ABCB11: variants seen among roughly 807,000 people sequenced by gnomAD.
ABCB11 encodes ATP binding cassette subfamily B member 11.
Under a neutral mutation model 148.0 loss-of-function variants are expected in ABCB11, and 95 were observed. That is an observed-to-expected ratio of 0.64 (90% CI 0.54 to 0.76). The LOEUF (loss-of-function observed/expected upper bound fraction) is 0.76. Ranked by LOEUF, ABCB11 falls within the 30% of genes least tolerant of loss-of-function variation. The pLI, the probability that ABCB11 is intolerant of heterozygous loss-of-function variation, is 0.00. For synonymous variants in ABCB11, 591 were observed against 555.4 expected (o/e 1.06, Z -0.90); for missense variants, 1,523 against 1,617.8 (o/e 0.94, Z 1.01).
intron 21 of ABCB11, among the ~76,000 whole-genome samples, chr2:168,939,259 G>T (rs1691962581): frequency 6.6e-6 from 1 of 152,028 alleles, no homozygotes; most frequent in Admixed American, 6.6e-5. Flanking sequence ...GGTTGGCAAG[G>T]ACTGTCAGGC....
chr2:168,923,219 A>C lies in ABCB11; in HGVS notation c.*403T>G. ...GCCTGTTATAGACCCGCCTCTGTGT[A>C]CACCGAGGGTTCAAAAATGAAAGAC... On this transcript the variant is annotated 3_prime_UTR_variant, in exon 28 of 28. Transcript: ENST00000650372. 4.9e-6 allele frequency: 1 copy of C among 204,546 alleles called. No homozygotes were observed. The highest frequency in any genetic ancestry group is 1.0e-5 in the Non-Finnish European group (1 of 100,368). 12.7% of individuals were successfully genotyped at this position (204,546 alleles called of 1,614,324 possible). A position where few individuals can be genotyped will look rare whatever the true frequency, so the allele number is the denominator to read the frequency against.
intron 3 of ABCB11, among the ~76,000 whole-genome samples, chr2:169,014,692 A>T (rs1170105135): frequency 6.6e-6 from 1 of 152,138 alleles, no homozygotes; most frequent in East Asian, 1.9e-4. Context: ...TTGTGACTGC[A>T]TTTCCTCATG....
chr2:168,983,639 G>A (rs185014605), intron 10 of ABCB11, among the ~76,000 whole-genome samples: 289 of 152,178 alleles, frequency 1.9e-3, no homozygotes, highest in African/African-American at 6.5e-3. Context: ...AATAAAGTCC[G>A]TGGTTTGGAA....
chr2:168,940,029 C>T (rs1256261887), intron 21 of ABCB11, among the ~76,000 whole-genome samples: 1 of 152,014 alleles, frequency 6.6e-6, no homozygotes, highest in East Asian at 1.9e-4. Context: ...GTCATTCTGT[C>T]TCTCTCTCTT....
chr2:169,017,827 C>A, intron 2 of ABCB11: 2 of 697,266 alleles, frequency 2.9e-6, no homozygotes, highest in South Asian at 1.5e-5. Context: ...GTGAGAGATG[C>A]TTTCATTTAC....
intron 14 of ABCB11, 128 bp downstream of exon 14, chr2:168,971,719 T>C (rs1693583670): frequency 2.4e-6 from 2 of 817,504 alleles, no homozygotes; most frequent in Admixed American, 4.9e-5. Context: ...TTTTCAGGCA[T>C]GAAACTAAAA....
In ABCB11 at chr2:168,924,309, T is replaced by C. The variant is rs577763542; in HGVS notation, c.3765+348A>G. On this transcript the variant is annotated intron_variant, in intron 27 of 27. Coordinates refer to ENST00000650372, the MANE Select transcript of ABCB11 (RefSeq NM_003742.4). ...ATATCACCTCTTTCTTTGTGTTGCA[T>C]GTGGCCTACCTTCTCTGTCACATAA... Among the ~76,000 whole-genome samples the C allele has an allele frequency of 3.9e-5, 6 of 152,362 alleles. 1 individual carries two copies. In the East Asian group the frequency reaches 1.2e-3, roughly 29 times the overall value.
At chr2:168,939,775 A>G (rs2685803) in intron 21 of ABCB11, among the ~76,000 whole-genome samples, 74,102 of 151,436 alleles carry the variant, frequency 0.49, 19,112 homozygotes, top group South Asian at 0.66. Context: ...GCAACCCTGT[A>G]TATGCAGAGC....
chr2:168,927,272 A>G lies in ABCB11; in HGVS notation c.3502T>C (p.Cys1168Arg), dbSNP rs1355450416. 6.2e-7 allele frequency: 1 copy of G among 1,613,880 alleles called. No individual in the cohort carries two copies. Among genetic ancestry groups the G allele is most frequent in the Non-Finnish European group, 8.5e-7 (1 of 1,179,794 alleles). Residue 1168 changes from cysteine (C) to arginine (R), a missense_variant, in exon 26 of 28, where the codon TGT (cysteine) becomes CGT (arginine). Cys to Arg is a radical substitution (Grantham distance 180). Transcript: ENST00000650372. The part of the protein sequence containing the change: ...IVSQEPVLFA[C>R]SIMDNIKYGD... Reference sequence around the variant, plus strand: ...TACTTGATATTGTCCATTATGCTACAGGCAAACAACACTGGTTCCTGGGAA... The same window carrying G: ...TACTTGATATTGTCCATTATGCTACGGGCAAACAACACTGGTTCCTGGGAA...
chr2:168,970,508 C>T lies in ABCB11; in HGVS notation c.1639-293G>A, dbSNP rs4140386. 355,167 of 623,142 alleles carry T rather than the reference C, an allele frequency of 0.57. 101,747 individuals are homozygous for T. The highest frequency in any genetic ancestry group is 0.75 in the East Asian group (15,818 of 21,064). The allele number at this position is 623,142 out of a possible 1,614,324, so 38.6% of individuals were successfully genotyped here. A position where few individuals can be genotyped will look rare whatever the true frequency, so the allele number is the denominator to read the frequency against. ...TTTCAACCAAAATAAAAATTGGTCACGGTCCTAAATATCTATCTCAGAGGA... is the reference window on the plus strand; with the variant it reads ...TTTCAACCAAAATAAAAATTGGTCATGGTCCTAAATATCTATCTCAGAGGA... On this transcript the variant is annotated intron_variant, in intron 14 of 27. Coordinates refer to ENST00000650372, the MANE Select transcript of ABCB11 (RefSeq NM_003742.4).
chr2:168,958,381 A>G (rs1559202570), intron 18 of ABCB11, among the ~76,000 whole-genome samples: 1 of 151,778 alleles, frequency 6.6e-6, no homozygotes, highest in East Asian at 2.0e-4. Flanking sequence ...TCATGATTAC[A>G]TGTGTATTAA....
intron 19 of ABCB11, among the ~76,000 whole-genome samples, chr2:168,952,276 C>T (rs1692600516): frequency 6.6e-6 from 1 of 151,440 alleles, no homozygotes. Flanking sequence ...CCTCTGATTT[C>T]TAAAATAGTT....
chr2:168,951,924 A>G (rs1047831882), intron 19 of ABCB11, among the ~76,000 whole-genome samples: 1 of 151,622 alleles, frequency 6.6e-6, no homozygotes, highest in Non-Finnish European at 1.5e-5. Flanking sequence ...TTCTATGCCT[A>G]GTTTATTGAG....
Position 168,973,746 on chromosome 2 carries a change from A to G in ABCB11, c.1403T>C (p.Ile468Thr). The G allele has an allele frequency of 6.2e-7, 1 of 1,612,214 alleles. No homozygotes were observed. ...GAGKSTALQL[I>T]QRFYDPCEGM... ...TTCACAGGGGTCATAGAATCGCTGA[A>G]TGAGTTGCAGTGCTGTACTTTTTCC... is the stretch of plus-strand genomic sequence containing the variant. The change falls in exon 13 of 28, where the codon ATT (isoleucine) becomes ACT (threonine). Residue 468 changes from isoleucine (I) to threonine (T), a missense_variant. By Grantham distance (89) the Ile-to-Thr change is moderately conservative (BLOSUM62 -1). Coordinates refer to ENST00000650372, the MANE Select transcript of ABCB11 (RefSeq NM_003742.4).
At chr2:168,930,233 T>C (rs1439976424) in intron 25 of ABCB11, among the ~76,000 whole-genome samples, 1 of 152,254 alleles carries the variant, frequency 6.6e-6, no homozygotes, top group Non-Finnish European at 1.5e-5. Flanking sequence ...GATTTCAGCT[T>C]CTTGAACAAG....
intron 25 of ABCB11, among the ~76,000 whole-genome samples, chr2:168,930,214 C>A (rs116048889): frequency 6.6e-6 from 1 of 152,144 alleles, no homozygotes; most frequent in Non-Finnish European, 1.5e-5. Context: ...GAGTTCCTTG[C>A]GTTATTTAGA....
At chr2:169,003,255 A>G (rs1410188096) in intron 5 of ABCB11, among the ~76,000 whole-genome samples, 1 of 151,476 alleles carries the variant, frequency 6.6e-6, no homozygotes, top group Non-Finnish European at 1.5e-5. Flanking sequence ...ATAGTCTCCA[A>G]TTCCATCCAG....
downstream of ABCB11, among the ~76,000 whole-genome samples, chr2:168,919,926 G>T (rs2105868410): frequency 6.6e-6 from 1 of 151,944 alleles, no homozygotes; most frequent in East Asian, 1.9e-4. Context: ...AGGCTGGAGG[G>T]CAGTGGCGCG....
At chr2:168,972,462 T>C (rs907132074) in intron 13 of ABCB11, among the ~76,000 whole-genome samples, 6 of 151,932 alleles carry the variant, frequency 3.9e-5, no homozygotes, top group African/African-American at 1.4e-4. Flanking sequence ...TTATAGTAAG[T>C]CTTACTTTCT....
Sources: gnomAD v4.1 joint callset for allele counts (sites outside exome capture counted in the v4.1 genomes callset) on GRCh38, gnomAD v4.1.1 for gene constraint, MANE v1.5 for transcripts, NCBI Gene and HGNC (gene_info 2026-07-23, HGNC 2026-07-21) for gene names.